SAE1: variants seen among roughly 807,000 people sequenced by gnomAD.
SAE1 encodes SUMO1 activating enzyme subunit 1.
A neutral mutation model predicts 40.6 loss-of-function variants in SAE1; 11 were observed. The observed-to-expected ratio is 0.27, with a 90% CI of 0.17 to 0.45. The LOEUF is 0.45. Among genes scored for constraint, SAE1 ranks in the 20% least tolerant of loss-of-function variants. SAE1 has a pLI of 1.00. For missense variants in SAE1, 373 were observed against 427.3 expected, an observed-to-expected ratio of 0.87 and a Z score of 1.12; for synonymous variants, 155 against 154.3, an observed-to-expected ratio of 1.00 and a Z score of -0.03.
chr19:47,169,979 A>G lies in SAE1; in HGVS notation c.733+56A>G, dbSNP rs2058420807. On this transcript the variant is annotated intron_variant, in intron 6 of 8. Coordinates refer to ENST00000270225, the MANE Select transcript of SAE1 (RefSeq NM_005500.3). ...AGAGCTTTTGGCTCTGATTTCTGCAAATGTGGTTGCAAGGTCCAGATGGTT... is the reference window on the plus strand; with the variant it reads ...AGAGCTTTTGGCTCTGATTTCTGCAGATGTGGTTGCAAGGTCCAGATGGTT... The G allele has an allele frequency of 3.0e-6, 4 of 1,317,058 alleles. 1 individual carries two copies. The highest frequency in any genetic ancestry group is 2.4e-5 in the South Asian group (2 of 85,072). 81.6% of individuals were successfully genotyped at this position (1,317,058 alleles called of 1,614,324 possible).
chr19:47,173,027 GTTCTTT>G (rs2058444755), intron 6 of SAE1, among the ~76,000 whole-genome samples: 1 of 152,070 alleles, frequency 6.6e-6, no homozygotes, highest in Non-Finnish European at 1.5e-5. Context: ...CAAAGGTCTT[GTTCTTT>G]TTCTTTTTCC....
At chr19:47,134,486 A>C (rs1180650560) in intron 1 of SAE1, among the ~76,000 whole-genome samples, 1 of 152,022 alleles carries the variant, frequency 6.6e-6, no homozygotes, top group Non-Finnish European at 1.5e-5. Context: ...TTAAGTGATG[A>C]GAATGTGCCT....
chr19:47,153,520 T>G (rs908646068), intron 4 of SAE1, among the ~76,000 whole-genome samples: 6 of 152,224 alleles, frequency 3.9e-5, no homozygotes, highest in African/African-American at 1.4e-4. Flanking sequence ...AGTTAGGTAT[T>G]TTGGCTGCAG....
At chr19:47,208,299 C>T in intron 8 of SAE1, among the ~76,000 whole-genome samples, 1 of 151,998 alleles carries the variant, frequency 6.6e-6, no homozygotes, top group East Asian at 1.9e-4. Context: ...TCACTCTGTT[C>T]CCCAGGCTGG....
chr19:47,178,327 A>C (rs879287666), intron 6 of SAE1, among the ~76,000 whole-genome samples: 11 of 152,102 alleles, frequency 7.2e-5, no homozygotes, highest in Non-Finnish European at 1.2e-4. Flanking sequence ...CTTGTAGCTC[A>C]CATTACTGAA....
At chr19:47,181,924 C>T (rs2058509635) in intron 6 of SAE1, among the ~76,000 whole-genome samples, 1 of 151,402 alleles carries the variant, frequency 6.6e-6, no homozygotes, top group South Asian at 2.1e-4. Flanking sequence ...CCACATCACC[C>T]TTCTGAGTAG....
Position 47,130,889 on chromosome 19 carries a change from G to T in SAE1, c.-42G>T. On this transcript the variant is annotated 5_prime_UTR_variant, in exon 1 of 9. Transcript: ENST00000270225. Reference sequence around the variant, plus strand: ...TGGCGCGCGGGTCCGGCGGGCGGTTGGCTTGAGCGGGACCGGAGCTGAGGC... The same window carrying T: ...TGGCGCGCGGGTCCGGCGGGCGGTTTGCTTGAGCGGGACCGGAGCTGAGGC... The T allele has an allele frequency of 6.5e-7, 1 of 1,546,894 alleles. No individual in the cohort carries two copies. The highest frequency in any genetic ancestry group is 8.7e-7 in the Non-Finnish European group (1 of 1,145,726).
At chr19:47,206,590 C>T (rs1285893560) in intron 8 of SAE1, among the ~76,000 whole-genome samples, 3 of 152,204 alleles carry the variant, frequency 2.0e-5, no homozygotes, top group Non-Finnish European at 2.9e-5. Context: ...CCGTCCACGG[C>T]AGGTCTCCCT....
chr19:47,138,317 T>C (rs962327830), intron 1 of SAE1, among the ~76,000 whole-genome samples: 1 of 152,242 alleles, frequency 6.6e-6, no homozygotes, highest in African/African-American at 2.4e-5. Context: ...GTGCTGGGAT[T>C]ACAGGCATGA....
At chr19:47,154,509 T>TTTTTTTTTTTTTTG (rs1170158203) in intron 4 of SAE1, among the ~76,000 whole-genome samples, 1 of 126,634 alleles carries the variant, frequency 7.9e-6, no homozygotes, top group African/African-American at 2.9e-5. Flanking sequence ...TTTTTTTTTT[T>TTTTTTTTTTTTTTG]TCTGAGACAG....
chr19:47,155,949 C>T (rs2058321482), intron 5 of SAE1, among the ~76,000 whole-genome samples: 1 of 150,716 alleles, frequency 6.6e-6, no homozygotes, highest in South Asian at 2.1e-4. Flanking sequence ...CCATGTTGGC[C>T]AGGATGGTAT....
At chr19:47,171,459 A>G (rs2058432427) in intron 6 of SAE1, among the ~76,000 whole-genome samples, 2 of 149,852 alleles carry the variant, frequency 1.3e-5, no homozygotes, top group Admixed American at 1.3e-4. Context: ...TGCCCAGCTA[A>G]TTTTCTTTTT....
rs369593722 is a variant in SAE1, at chr19:47,160,458, G to A, written c.627+5245G>A. On this transcript the variant is annotated intron_variant, in intron 5 of 8. Transcript: ENST00000270225. Reference sequence around the variant, plus strand: ...CGCCCAGGCTGGAGTGCAGTGGTGCGATCTCAGCTCACTGCAAGCTCCACC... The same window carrying A: ...CGCCCAGGCTGGAGTGCAGTGGTGCAATCTCAGCTCACTGCAAGCTCCACC... 7.3e-3 allele frequency among the ~76,000 whole-genome samples: 1,052 copies of A among 144,768 alleles called. 10 individuals carry two copies. Among genetic ancestry groups the A allele is most frequent in the African/African-American group, 0.026 (1,009 of 39,214 alleles). The allele number at this position is 144,768 out of a possible 152,430, so 95.0% of individuals were successfully genotyped here. A position where few individuals can be genotyped will look rare whatever the true frequency, so the allele number is the denominator to read the frequency against.
chr19:47,179,323 T>C (rs368952), intron 6 of SAE1, among the ~76,000 whole-genome samples: 41,695 of 151,254 alleles, frequency 0.28, 6,827 homozygotes, highest in African/African-American at 0.44. Flanking sequence ...CTGGGCAACA[T>C]GGTGAAACCC....
chr19:47,152,852 C>T (rs368388364), intron 3 of SAE1, 46 bp from the exon 4 acceptor site: 1 of 1,592,482 alleles, frequency 6.3e-7, no homozygotes, highest in Non-Finnish European at 8.6e-7. Context: ...GGCAGTGATT[C>T]ACAGTTTGCA....
chr19:47,193,269 C>T (rs926620919), intron 6 of SAE1, among the ~76,000 whole-genome samples: 3 of 151,878 alleles, frequency 2.0e-5, no homozygotes, highest in Admixed American at 1.3e-4. Flanking sequence ...CTGTGTTGGC[C>T]AGGCTGGTCT....
chr19:47,141,158 C>T lies in SAE1; in HGVS notation c.99-2336C>T, dbSNP rs191627204. Among the ~76,000 whole-genome samples, 125 of 152,288 alleles carry T rather than the reference C, an allele frequency of 8.2e-4. 5 individuals are homozygous for T. Among genetic ancestry groups the T allele is most frequent in the Admixed American group, 6.3e-3 (96 of 15,284 alleles). On this transcript the variant is annotated intron_variant, in intron 1 of 8. Coordinates refer to ENST00000270225, the MANE Select transcript of SAE1 (RefSeq NM_005500.3). ...CTGGGACTACAGGCGCCTGCCACCA[C>T]GCCTGGCTAATTTTTGTATTTTCTG...
At chr19:47,150,810 A>G (rs1306290192) in intron 3 of SAE1, among the ~76,000 whole-genome samples, 1 of 152,236 alleles carries the variant, frequency 6.6e-6, no homozygotes, top group Non-Finnish European at 1.5e-5. Flanking sequence ...TTTTGTCTTA[A>G]GAAAAGCACA....
At chr19:47,138,689 A>T (rs190110972) in intron 1 of SAE1, among the ~76,000 whole-genome samples, 71 of 152,210 alleles carry the variant, frequency 4.7e-4, no homozygotes, top group Admixed American at 3.7e-3. Context: ...TAAACATATA[A>T]ACAAGTAGTG....
Sources: allele counts gnomAD v4.1 joint callset (sites outside exome capture counted in the v4.1 genomes callset), GRCh38; gene constraint gnomAD v4.1.1; transcripts MANE v1.5; gene names NCBI Gene and HGNC (gene_info 2026-07-23, HGNC 2026-07-21).